The following MAEA variants were observed in gnomAD, a reference collection of about 807,000 sequenced individuals.
The protein encoded by MAEA is macrophage erythroblast attacher, E3 ubiquitin ligase.
A neutral mutation model predicts 46.2 loss-of-function variants in MAEA; 22 were observed. The observed-to-expected ratio is 0.48, with a 90% CI of 0.34 to 0.68. The LOEUF (loss-of-function observed/expected upper bound fraction) is 0.68, where lower values mean the gene tolerates loss of function less well. MAEA is among the 30% of genes least tolerant of loss of function. MAEA has a pLI of 0.01. For missense variants in MAEA, 393 were observed against 558.1 expected (o/e 0.70, Z 2.98); for synonymous variants, 246 against 222.6 (o/e 1.11, Z -0.94).
rs1485751783 is a variant in MAEA at position 1,290,138 on chromosome 4, C to G, written c.69+156C>G. Among the ~76,000 whole-genome samples the G allele has an allele frequency of 1.3e-4, 19 of 151,730 alleles. No individual in the cohort carries two copies. The East Asian group carries it at 3.7e-3, about 29-fold the overall frequency. On this transcript the variant is annotated intron_variant, in intron 1 of 8. Transcript: ENST00000303400. ...TGCGGGCTTCTCAGGGGCGCCCGGT[C>G]CGCGCCGGGCAGGTGTGGCGGGGGC...
intron 3 of MAEA, among the ~76,000 whole-genome samples, chr4:1,318,371 C>T (rs1048042357): frequency 1.3e-5 from 2 of 152,188 alleles, no homozygotes; most frequent in Non-Finnish European, 2.9e-5. Context: ...GTGGTGGGCA[C>T]AGGCCACGCG....
At chr4:1,327,728 C>T (rs2335937) in intron 5 of MAEA, 25 bp downstream of exon 5, 2 of 1,605,364 alleles carry the variant, frequency 1.2e-6, no homozygotes, top group Admixed American at 1.7e-5. Context: ...CGTGCGTCTC[C>T]TCGAGGGAGG....
intron 1 of MAEA, 69 bp downstream of exon 1, chr4:1,290,051 G>A (rs567861151): frequency 1.2e-5 from 15 of 1,276,122 alleles, no homozygotes; most frequent in African/African-American, 4.7e-5. Context: ...GGGCCGCGAG[G>A]GGCCGCCCCG....
At position 1,315,515 on chromosome 4, in the gene MAEA, G is replaced by A. The variant is rs765652453; in HGVS notation, c.371G>A (p.Arg124His). Reference protein sequence around the residue: ...PAAASVWKRKRMDRMMVEHLL... With the variant: ...PAAASVWKRKHMDRMMVEHLL... The stretch of plus-strand genomic sequence containing the variant: ...GCGGCCAGCGTGTGGAAGAGGAAGC[G>A]CATGGATCGCATGATGGTGGAGCAC... The change falls in exon 3 of 9, where the codon CGC (arginine) becomes CAC (histidine). Residue 124 changes from arginine (R) to histidine (H), a missense_variant. Arg to His is a conservative substitution (Grantham distance 29). This residue lies in a region of MAEA where 358 missense variants were observed against 537.9 expected (regional missense o/e 0.67). Transcript: ENST00000303400. 1.9e-6 allele frequency: 3 copies of A among 1,613,888 alleles called. No homozygotes were observed. Among genetic ancestry groups the A allele is most frequent in the Non-Finnish European group, 2.5e-6 (3 of 1,179,964 alleles).
intron 2 of MAEA, among the ~76,000 whole-genome samples, chr4:1,313,999 A>G (rs1479813157): frequency 6.6e-6 from 1 of 151,954 alleles, no homozygotes; most frequent in Non-Finnish European, 1.5e-5. Context: ...GTGTCACTGT[A>G]CTCCAGACTG....
At chr4:1,294,993 G>T (rs28641665) in intron 1 of MAEA, among the ~76,000 whole-genome samples, 21,183 of 152,132 alleles carry the variant, frequency 0.14, 1,740 homozygotes, top group African/African-American at 0.22. Context: ...GTGGCTGGGG[G>T]TGTCCCAGAG....
chr4:1,306,266 C>G (rs1463458350), intron 1 of MAEA, among the ~76,000 whole-genome samples: 2 of 152,228 alleles, frequency 1.3e-5, no homozygotes, highest in Admixed American at 6.5e-5. Context: ...TCCCTGATGA[C>G]TCATGATGTT....
intron 8 of MAEA, 49 bp from the exon 9 acceptor site, chr4:1,339,025 T>C (rs1448499374): frequency 5.8e-6 from 8 of 1,376,976 alleles, no homozygotes; most frequent in Non-Finnish European, 8.3e-6. Context: ...GAAATCCGTG[T>C]GTACGTTGTA....
In MAEA at chr4:1,312,177, C is replaced by A. The variant is rs375926936; in HGVS notation, c.252+16C>A. 8.1e-6 allele frequency: 13 copies of A among 1,613,580 alleles called. No homozygotes were observed. Among genetic ancestry groups the A allele is most frequent in the Non-Finnish European group, 1.0e-5 (12 of 1,179,918 alleles). ...CAAGAGGAAGGTTGGTCCCGCCTGG[C>A]GGTCCCTCTTCAGTCTGGGGCATGG... On this transcript the variant is annotated intron_variant, in intron 2 of 8. Coordinates refer to ENST00000303400, the MANE Select transcript of MAEA (RefSeq NM_001017405.3).
In MAEA at chr4:1,323,421, G is replaced by C; in HGVS notation, c.579+918G>C. ...TTTTCTGTCTTCTAAACTGAGCGCT[G>C]CTTTAACCTCACCCTGGCTGAGTTT... On this transcript the variant is annotated intron_variant, in intron 4 of 8. Transcript: ENST00000303400. 4.3e-6 allele frequency: 3 copies of C among 700,006 alleles called. No homozygotes were observed. The South Asian group carries it at 4.4e-5, about 10-fold the overall frequency. The allele number at this position is 700,006 out of a possible 1,614,324, so 43.4% of individuals were successfully genotyped here. A position where few individuals can be genotyped will look rare whatever the true frequency, so the allele number is the denominator to read the frequency against.
chr4:1,312,294 G>A, intron 2 of MAEA, 133 bp downstream of exon 2: 1 of 984,304 alleles, frequency 1.0e-6, no homozygotes, highest in Non-Finnish European at 1.5e-6. Context: ...CTTCCCTGCT[G>A]TCTGCCTTCT....
At chr4:1,293,362 G>T (rs1734305734) in intron 1 of MAEA, among the ~76,000 whole-genome samples, 1 of 152,136 alleles carries the variant, frequency 6.6e-6, no homozygotes, top group South Asian at 2.1e-4. Context: ...CTGCCCTCCA[G>T]CCTGGGTGAC....
At chr4:1,314,008 T>C (rs1350774156) in intron 2 of MAEA, among the ~76,000 whole-genome samples, 2 of 152,088 alleles carry the variant, frequency 1.3e-5, no homozygotes, top group East Asian at 3.9e-4. Context: ...TACTCCAGAC[T>C]GGGCAACAGA....
At chr4:1,328,960 C>T (rs1347401575) in intron 5 of MAEA, 1 of 992,424 alleles carries the variant, frequency 1.0e-6, no homozygotes, top group African/African-American at 1.7e-5. Flanking sequence ...GCCAGGGGCC[C>T]CCTGTCAAGA....
At chr4:1,310,977 C>T (rs1224134054) in intron 1 of MAEA, among the ~76,000 whole-genome samples, 2 of 152,272 alleles carry the variant, frequency 1.3e-5, no homozygotes, top group Non-Finnish European at 2.9e-5. Context: ...CCCTGCCTTC[C>T]TCACGTGGCC....
At chr4:1,314,645 G>A (rs58880455) in intron 2 of MAEA, among the ~76,000 whole-genome samples, 3,148 of 152,312 alleles carry the variant, frequency 0.021, 125 homozygotes, top group African/African-American at 0.072. Context: ...GTCAGAATCC[G>A]ACACAGAGTA....
At chr4:1,293,094 C>A (rs1229186056) in intron 1 of MAEA, among the ~76,000 whole-genome samples, 17 of 152,042 alleles carry the variant, frequency 1.1e-4, no homozygotes, top group Admixed American at 1.1e-3. Flanking sequence ...CGTGGTTTCT[C>A]CATGTTGTCC....
intron 3 of MAEA, among the ~76,000 whole-genome samples, chr4:1,320,423 C>G (rs968670739): frequency 1.4e-5 from 2 of 141,352 alleles, no homozygotes. Context: ...TGTGAAGGGG[C>G]TTTAGAAAGA....
At position 1,311,255 on chromosome 4, in the gene MAEA, A is replaced by G. The variant is rs1378816270; in HGVS notation, c.70-724A>G. 6.6e-6 allele frequency among the ~76,000 whole-genome samples: 1 copy of G among 152,182 alleles called. No individual in the cohort carries two copies. The highest frequency in any genetic ancestry group is 1.5e-5 in the Non-Finnish European group (1 of 68,022). On this transcript the variant is annotated intron_variant, in intron 1 of 8. Coordinates refer to ENST00000303400, the MANE Select transcript of MAEA (RefSeq NM_001017405.3). The surrounding 1 kb of genome is among the most constrained non-coding windows in gnomAD (Gnocchi z 4.4). ...TGGTGTTTCCTGCGGGAGCCCGGCC[A>G]CGGAGGCCGGGGAGCGCTGGGGCGT...
Sources: allele counts gnomAD v4.1 joint callset (sites outside exome capture counted in the v4.1 genomes callset), GRCh38; gene constraint gnomAD v4.1.1; regional missense constraint gnomAD v4.1.1; non-coding constraint Gnocchi (gnomAD v3.1); transcripts MANE v1.5; gene names NCBI Gene and HGNC (gene_info 2026-07-23, HGNC 2026-07-21).